The following PATJ variants were observed in gnomAD, a reference collection of about 807,000 sequenced individuals.
PATJ encodes the protein inaD-like protein.
PATJ carries 190 observed loss-of-function variants against 224.9 expected under a neutral mutation model. The ratio of observed to expected loss-of-function variants is 0.84; its 90% confidence interval spans 0.75 to 0.95. The LOEUF (loss-of-function observed/expected upper bound fraction) is 0.95. Among genes scored for constraint, PATJ ranks in the 40% least tolerant of loss-of-function variants. The pLI, the probability that PATJ is intolerant of heterozygous loss-of-function variation, is 0.00. For synonymous variants in PATJ, 769 were observed against 820.3 expected, an observed-to-expected ratio of 0.94 and a Z score of 1.07; for missense variants, 2,121 against 2,270.3, an observed-to-expected ratio of 0.93 and a Z score of 1.34.
intron 30 of PATJ, among the ~76,000 whole-genome samples, chr1:62,042,619 A>C (rs1357211404): frequency 6.6e-6 from 1 of 152,058 alleles, no homozygotes; most frequent in Admixed American, 6.6e-5. Flanking sequence ...TCTCATATTT[A>C]TTTCTTTGTT....
chr1:62,009,443 A>G (rs1199509329), intron 28 of PATJ, among the ~76,000 whole-genome samples: 1 of 152,224 alleles, frequency 6.6e-6, no homozygotes, highest in Non-Finnish European at 1.5e-5. Flanking sequence ...ATTTCTAAAA[A>G]TTGCTAACGA....
At chr1:61,969,695 CTTTGT>C (rs1262180699) in intron 27 of PATJ, among the ~76,000 whole-genome samples, 2 of 151,914 alleles carry the variant, frequency 1.3e-5, no homozygotes, top group African/African-American at 4.8e-5. Flanking sequence ...TGATTGTGTA[CTTTGT>C]TTTGTTTGTT....
rs954666559 is a variant in PATJ, at chr1:62,096,805, C to T, written c.4378-11632C>T. Among the ~76,000 whole-genome samples, 48 of 152,092 alleles carry T rather than the reference C, an allele frequency of 3.2e-4. 1 individual carries two copies. Among genetic ancestry groups the T allele is most frequent in the South Asian group, 2.1e-4 (1 of 4,820 alleles). ...TAACTTTTTGTATTTTTAGTACAGA[C>T]GAGGTTTCACCAGGTTGGCCAGGCT... On this transcript the variant is annotated intron_variant, in intron 33 of 43. Coordinates refer to ENST00000642238, the MANE Select transcript of PATJ (RefSeq NM_001350145.3).
intron 33 of PATJ, among the ~76,000 whole-genome samples, chr1:62,091,480 GAGTTC>G (rs1400529151): frequency 6.6e-6 from 1 of 152,190 alleles, no homozygotes; most frequent in Non-Finnish European, 1.5e-5. Context: ...TATTTAAACT[GAGTTC>G]AGTTATTATT....
intron 29 of PATJ, among the ~76,000 whole-genome samples, chr1:62,019,016 G>A (rs930348658): frequency 6.6e-6 from 1 of 152,106 alleles, no homozygotes; most frequent in Non-Finnish European, 1.5e-5. Context: ...AGGATCACCT[G>A]AGGATCACCT....
intron 1 of PATJ, among the ~76,000 whole-genome samples, chr1:61,760,852 A>G (rs543291104): frequency 6.6e-6 from 1 of 151,984 alleles, no homozygotes; most frequent in Admixed American, 6.6e-5. Flanking sequence ...ACCTCAGGTG[A>G]TCCACCCACC....
At chr1:61,753,316 A>C (rs1412044153) in intron 1 of PATJ, among the ~76,000 whole-genome samples, 2 of 152,100 alleles carry the variant, frequency 1.3e-5, no homozygotes, top group Non-Finnish European at 2.9e-5. Context: ...TGACCTTCCC[A>C]ATTCACATGT....
intron 9 of PATJ, 89 bp from the exon 10 acceptor site, chr1:61,795,378 C>T (rs1226712520): frequency 1.1e-5 from 7 of 656,812 alleles, no homozygotes; most frequent in African/African-American, 5.5e-5. Context: ...CAGTCAACCC[C>T]GTTAGCTAAT....
rs144434258 is a variant in PATJ at position 62,087,462 on chromosome 1, G to A, written c.4377+2814G>A. The stretch of plus-strand genomic sequence containing the variant: ...ACATTATTCAGAAAGAACCAATCAG[G>A]AGACAGCAGGCAAACAGGGATAGAA... On this transcript the variant is annotated intron_variant, in intron 33 of 43. Coordinates refer to ENST00000642238, the MANE Select transcript of PATJ (RefSeq NM_001350145.3). 3.8e-3 allele frequency among the ~76,000 whole-genome samples: 580 copies of A among 152,080 alleles called. 4 individuals are homozygous for A. The highest frequency in any genetic ancestry group is 6.5e-3 in the Non-Finnish European group (441 of 68,018).
intron 14 of PATJ, among the ~76,000 whole-genome samples, chr1:61,809,843 TTTTC>T (rs907230949): frequency 7.5e-6 from 1 of 132,572 alleles, no homozygotes; most frequent in Admixed American, 9.7e-5. Flanking sequence ...TTCAATTTTC[TTTTC>T]TTTCTTTTTT....
chr1:61,814,278 G>A (rs928991829), intron 14 of PATJ, among the ~76,000 whole-genome samples: 2 of 151,492 alleles, frequency 1.3e-5, no homozygotes, highest in African/African-American at 2.4e-5. Flanking sequence ...CGAGTAGCTG[G>A]GATTACAGGC....
At position 62,017,743 on chromosome 1, in the gene PATJ, AAAAAG is replaced by A. The variant is rs1553243990; in HGVS notation, c.3868-94_3868-90del. ...TGAGACTGTCTCAAAAAAAAAAAAA[AAAAAG>A]AAAAGAAAAGAAAAGAAATTCAGTA... On this transcript the variant is annotated intron_variant, in intron 28 of 43. Transcript: ENST00000642238. The A allele has an allele frequency of 1.6e-3, 809 of 517,232 alleles. 1 individual carries two copies. The highest frequency in any genetic ancestry group is 0.011 in the African/African-American group (568 of 49,430). The allele number at this position is 517,232 out of a possible 1,614,324, so 32.0% of individuals were successfully genotyped here.
chr1:62,144,877 G>GAGAC (rs1217618239), intron 41 of PATJ, among the ~76,000 whole-genome samples: 3 of 149,212 alleles, frequency 2.0e-5, no homozygotes, highest in Admixed American at 6.7e-5. Flanking sequence ...TTTTATTTTT[G>GAGAC]AGACAGTTTT....
chr1:62,029,099 G>A (rs535030159), intron 29 of PATJ, among the ~76,000 whole-genome samples: 1 of 152,274 alleles, frequency 6.6e-6, no homozygotes, highest in East Asian at 1.9e-4. Flanking sequence ...TAGCTTTGCA[G>A]TAGGTTTGAA....
Position 62,084,622 on chromosome 1 carries a change from A to G in PATJ, c.4351A>G (p.Ile1451Val). The G allele has an allele frequency of 6.2e-7, 1 of 1,613,280 alleles. No homozygotes were observed. The highest frequency in any genetic ancestry group is 8.5e-7 in the Non-Finnish European group (1 of 1,179,688). Residue 1451 changes from isoleucine (I) to valine (V), a missense_variant, in exon 33 of 44, where the codon ATT (isoleucine) becomes GTT (valine). Coordinates refer to ENST00000642238, the MANE Select transcript of PATJ (RefSeq NM_001350145.3). ...SKGRSGLGLS[I>V]VGGKDTPLNA... is the part of the protein sequence containing the mutation. ...GGGACGTTCAGGGCTTGGTCTCAGC[A>G]TTGTGGGAGGAAAAGACACACCCTT...
intron 33 of PATJ, among the ~76,000 whole-genome samples, chr1:62,107,224 T>C (rs1473499675): frequency 1.3e-5 from 2 of 151,538 alleles, no homozygotes; most frequent in East Asian, 3.9e-4. Context: ...GAGAATGGCG[T>C]GAACCCAGGA....
chr1:62,159,791 G>A (rs1169845304), intron 43 of PATJ, among the ~76,000 whole-genome samples: 2 of 151,904 alleles, frequency 1.3e-5, no homozygotes, highest in Non-Finnish European at 2.9e-5. Context: ...CAATCCTCTC[G>A]CCTGAGATTC....
At chr1:62,144,566 A>G (rs11806656) in intron 41 of PATJ, among the ~76,000 whole-genome samples, 1 of 151,920 alleles carries the variant, frequency 6.6e-6, no homozygotes, top group East Asian at 1.9e-4. Flanking sequence ...ATCTCTGGTA[A>G]CTAGTTGAGG....
chr1:61,901,423 G>C lies in PATJ; in HGVS notation c.3345G>C (p.Lys1115Asn), dbSNP rs372571203. The C allele has an allele frequency of 2.5e-6, 4 of 1,584,990 alleles. No homozygotes were observed. The African/African-American group carries it at 5.5e-5, about 22-fold the overall frequency. ...KQVLEDSPAGKTNALKTGDKI... is the reference protein window; with the variant it reads ...KQVLEDSPAGNTNALKTGDKI... ...TTTTAGAAGACAGTCCAGCAGGGAA[G>C]ACGAACGCACTTAAAACTGGAGATA... is the stretch of plus-strand genomic sequence containing the variant. The change falls in exon 24 of 44, where the codon AAG (lysine) becomes AAC (asparagine). Residue 1115 changes from lysine (K) to asparagine (N), a missense_variant. Lys to Asn is a moderately conservative substitution (Grantham distance 94, BLOSUM62 0). Coordinates refer to ENST00000642238, the MANE Select transcript of PATJ (RefSeq NM_001350145.3).
Sources: allele counts gnomAD v4.1 joint callset (sites outside exome capture counted in the v4.1 genomes callset), GRCh38; gene constraint gnomAD v4.1.1; transcripts MANE v1.5; gene names NCBI Gene and HGNC (gene_info 2026-07-23, HGNC 2026-07-21).